The following PLCE1 variants were observed in gnomAD, a reference collection of about 807,000 sequenced individuals.
The protein encoded by PLCE1 is 1-phosphatidylinositol 4,5-bisphosphate phosphodiesterase epsilon-1.
In PLCE1, 119 loss-of-function variants were observed where a neutral mutation model predicts 242.8. The observed-to-expected ratio is 0.49, with a 90% CI of 0.42 to 0.57. PLCE1 has a LOEUF of 0.57. Ranked by LOEUF, PLCE1 falls within the 20% of genes least tolerant of loss-of-function variation. The probability of loss-of-function intolerance (pLI) is 0.00; values close to 1 mark genes in which losing one functional copy is unlikely to be tolerated. For missense variants in PLCE1, 2,441 were observed against 2,788.8 expected (o/e 0.88, Z 2.81); for synonymous variants, 945 against 1,017.4 (o/e 0.93, Z 1.35).
rs143188906 is a variant in PLCE1, at chr10:94,106,830, G to A, written c.1207-25344G>A. 2.7e-3 allele frequency among the ~76,000 whole-genome samples: 409 copies of A among 150,446 alleles called. 4 individuals carry two copies. Among genetic ancestry groups the A allele is most frequent in the African/African-American group, 8.9e-3 (365 of 40,982 alleles). ...GCCTCTATGCCTCTCTTTTTGCACA[G>A]TGAATGTATTTTTTCTTCCCCTGCT... On this transcript the variant is annotated intron_variant, in intron 2 of 32. Coordinates refer to ENST00000371380, the MANE Select transcript of PLCE1 (RefSeq NM_016341.4).
In PLCE1 at chr10:94,072,500, A is replaced by G. The variant is rs2044390430; in HGVS notation, c.1206+40248A>G. ...CACCATGTTAGCCAGGATGGTCTCA[A>G]TCTCCTGACCTTGTGATCTGCCTGC... On this transcript the variant is annotated intron_variant, in intron 2 of 32. Transcript: ENST00000371380. Among the ~76,000 whole-genome samples, 3 of 151,990 alleles carry G rather than the reference A, an allele frequency of 2.0e-5. No homozygotes were observed. The South Asian group carries it at 6.2e-4, about 32-fold the overall frequency.
At chr10:94,153,027 T>C (rs182129767) in intron 3 of PLCE1, among the ~76,000 whole-genome samples, 3 of 152,286 alleles carry the variant, frequency 2.0e-5, no homozygotes, top group Non-Finnish European at 2.9e-5. Flanking sequence ...AAAATATATA[T>C]AGATTTTCTT....
intron 24 of PLCE1, among the ~76,000 whole-genome samples, chr10:94,304,052 T>C (rs2053125092): frequency 6.6e-6 from 1 of 152,210 alleles, no homozygotes; most frequent in Non-Finnish European, 1.5e-5. Context: ...TAGGTTATAA[T>C]GCAAATTCTA....
intron 2 of PLCE1, among the ~76,000 whole-genome samples, chr10:94,128,682 C>T (rs918694895): frequency 1.3e-5 from 2 of 152,190 alleles, no homozygotes; most frequent in Non-Finnish European, 1.5e-5. Flanking sequence ...TCTCTATCCT[C>T]AGCAACTAGC....
At chr10:94,320,415 T>A (rs2053755999) in intron 29 of PLCE1, among the ~76,000 whole-genome samples, 1 of 152,220 alleles carries the variant, frequency 6.6e-6, no homozygotes, top group African/African-American at 2.4e-5. Context: ...ATTAAATGAT[T>A]GGGGCAAGCT....
At chr10:94,007,610 C>G (rs1194674135) in intron 1 of PLCE1, among the ~76,000 whole-genome samples, 1 of 113,400 alleles carries the variant, frequency 8.8e-6, no homozygotes, top group East Asian at 2.6e-4. Flanking sequence ...ACTGGTGTTT[C>G]CAGAAGAGTG....
chr10:94,309,531 G>T (rs549367785), intron 27 of PLCE1, among the ~76,000 whole-genome samples: 10 of 152,078 alleles, frequency 6.6e-5, no homozygotes, highest in African/African-American at 2.4e-4. Flanking sequence ...TCACTATATT[G>T]CCCAGGTTGG....
intron 2 of PLCE1, among the ~76,000 whole-genome samples, chr10:94,085,172 T>G (rs914441588): frequency 3.3e-5 from 5 of 152,170 alleles, no homozygotes; most frequent in Non-Finnish European, 7.3e-5. Flanking sequence ...ATTATTGTAT[T>G]TATTTAAACA....
At chr10:94,158,491 G>A (rs2047500924) in intron 3 of PLCE1, among the ~76,000 whole-genome samples, 1 of 152,134 alleles carries the variant, frequency 6.6e-6, no homozygotes, top group South Asian at 2.1e-4. Flanking sequence ...AAGAACAGAT[G>A]AGAAAATGCT....
rs780690530 is a variant in PLCE1, at chr10:94,236,061, C to T, written c.2361C>T (p.Asp787=). 8 of 1,614,074 alleles carry T rather than the reference C, an allele frequency of 5.0e-6. No homozygotes were observed. Among genetic ancestry groups the T allele is most frequent in the Admixed American group, 3.3e-5 (2 of 60,026 alleles). ...GAAGTCTGGAGACAGACGAGGAGGA[C>T]AGCCCCAGTGAAGGAAACAGCTCCA... is the stretch of plus-strand genomic sequence containing the variant. ...CNRSLETDEE[D]SPSEGNSSRK... Residue 787 remains aspartate (D), a synonymous_variant, in exon 7 of 33, where the codon GAC becomes GAT. Coordinates refer to ENST00000371380, the MANE Select transcript of PLCE1 (RefSeq NM_016341.4).
In PLCE1 at chr10:94,031,425, A is replaced by T; in HGVS notation, c.379A>T (p.Asn127Tyr). 1 of 1,613,844 alleles carries T rather than the reference A, an allele frequency of 6.2e-7. No individual in the cohort carries two copies. Among genetic ancestry groups the T allele is most frequent in the Non-Finnish European group, 8.5e-7 (1 of 1,179,858 alleles). ...LPQRQFYEMY[N>Y]SVAEEDLCLE... Reference sequence around the variant, plus strand: ...TCAGAGACAATTTTATGAAATGTACAACTCTGTTGCTGAGGAAGACTTGTG... The same window carrying T: ...TCAGAGACAATTTTATGAAATGTACTACTCTGTTGCTGAGGAAGACTTGTG... Residue 127 changes from asparagine to tyrosine, a missense_variant, in exon 2 of 33, where the codon AAC becomes TAC. Around this residue, in one of 5 missense-constraint regions of PLCE1, gnomAD observed 393 missense variants for 378.5 expected, o/e 1.04. Coordinates refer to ENST00000371380, the MANE Select transcript of PLCE1 (RefSeq NM_016341.4).
At position 94,246,137 on chromosome 10, in the gene PLCE1, A is replaced by T. The variant is rs950362451; in HGVS notation, c.2612A>T (p.Asp871Val). 21 of 1,614,044 alleles carry T rather than the reference A, an allele frequency of 1.3e-5. No homozygotes were observed. Among genetic ancestry groups the T allele is most frequent in the Non-Finnish European group, 1.8e-5 (21 of 1,179,992 alleles). The change falls in exon 8 of 33, where the codon GAC (aspartate) becomes GTC (valine). Residue 871 changes from aspartate to valine, a missense_variant. Coordinates refer to ENST00000371380, the MANE Select transcript of PLCE1 (RefSeq NM_016341.4). ...LLQGATVIHY[D>V]QDTHLSARCF... Reference sequence around the variant, plus strand: ...CAGGGGGCCACGGTCATCCACTACGACCAGGACACACACCTCTCTGCCCGC... The same window carrying T: ...CAGGGGGCCACGGTCATCCACTACGTCCAGGACACACACCTCTCTGCCCGC...
chr10:94,083,971 G>C (rs553053652), intron 2 of PLCE1, among the ~76,000 whole-genome samples: 47 of 152,310 alleles, frequency 3.1e-4, no homozygotes, highest in African/African-American at 1.1e-3. Flanking sequence ...CTTAATAATA[G>C]AACCTTCCAC....
intron 2 of PLCE1, among the ~76,000 whole-genome samples, chr10:94,078,827 G>A (rs1405759552): frequency 1.3e-5 from 2 of 152,162 alleles, no homozygotes; most frequent in African/African-American, 4.8e-5. Context: ...CATTTTGCAT[G>A]CTTGCTCTGT....
At position 94,171,315 on chromosome 10, in the gene PLCE1, A is replaced by G. The variant is rs2047968511; in HGVS notation, c.1628A>G (p.Glu543Gly). ...EEVASILMEQ[E>G]QTIYRRVLPV... ...GTCGCCAGCATCCTGATGGAGCAAGAGCAGACTATTTACCGCAGGGTCTTG... is the reference window on the plus strand; with the variant it reads ...GTCGCCAGCATCCTGATGGAGCAAGGGCAGACTATTTACCGCAGGGTCTTG... Residue 543 changes from glutamate to glycine, a missense_variant, in exon 4 of 33, where the codon GAG (glutamate) becomes GGG (glycine). Physicochemically the swap from Glu to Gly is moderately conservative, Grantham distance 98. Coordinates refer to ENST00000371380, the MANE Select transcript of PLCE1 (RefSeq NM_016341.4). The G allele has an allele frequency of 6.8e-6, 11 of 1,614,060 alleles. No individual in the cohort carries two copies. Among genetic ancestry groups the G allele is most frequent in the African/African-American group, 1.3e-5 (1 of 74,936 alleles).
At chr10:94,272,799 A>G (rs1322997956) in intron 18 of PLCE1, among the ~76,000 whole-genome samples, 3 of 152,174 alleles carry the variant, frequency 2.0e-5, no homozygotes, top group African/African-American at 7.2e-5. Context: ...TGAGGCTCTC[A>G]GTGGGAAAGA....
At chr10:94,264,057 C>T (rs2051413290) in intron 14 of PLCE1, among the ~76,000 whole-genome samples, 1 of 152,116 alleles carries the variant, frequency 6.6e-6, no homozygotes, top group Non-Finnish European at 1.5e-5. Flanking sequence ...TTCTGGTCCT[C>T]AATGCAGCTT....
chr10:94,063,093 C>G (rs2044104577), intron 2 of PLCE1, among the ~76,000 whole-genome samples: 2 of 152,170 alleles, frequency 1.3e-5, no homozygotes, highest in Non-Finnish European at 2.9e-5. Flanking sequence ...CCACATGCTC[C>G]CTTCCTAATG....
chr10:94,309,576 TTGGCCTCCCAAGG>T lies in PLCE1; in HGVS notation c.6003+893_6003+905del, dbSNP rs1160857995. On this transcript the variant is annotated intron_variant, in intron 27 of 32. Transcript: ENST00000371380. ...CCTGGACTCAAGCGATCCTCATGCC[TTGGCCTCCCAAGG>T]TGGCCTCCCAAGGTGCTGGGATTAC... Among the ~76,000 whole-genome samples, 13 of 152,208 alleles carry T rather than the reference TTGGCCTCCCAAGG, an allele frequency of 8.5e-5. No individual in the cohort carries two copies. The East Asian group carries it at 1.8e-3, about 21-fold the overall frequency.
Sources: allele counts gnomAD v4.1 joint callset (sites outside exome capture counted in the v4.1 genomes callset), GRCh38; gene constraint gnomAD v4.1.1; regional missense constraint gnomAD v4.1.1; transcripts MANE v1.5; gene names NCBI Gene and HGNC (gene_info 2026-07-23, HGNC 2026-07-21).